The following RPAP1 variants were observed in gnomAD, a reference collection of about 807,000 sequenced individuals.
The protein encoded by RPAP1 is RNA polymerase II-associated protein 1.
In RPAP1, 109 loss-of-function variants were observed where a neutral mutation model predicts 142.4. That is an observed-to-expected ratio of 0.77 (90% CI 0.66 to 0.90). The LOEUF is 0.90. Among genes scored for constraint, RPAP1 ranks in the 40% least tolerant of loss-of-function variants. RPAP1 has a pLI of 0.00. For missense variants in RPAP1, 1,546 were observed against 1,751.7 expected (o/e 0.88, Z 2.10); for synonymous variants, 704 against 738.9 (o/e 0.95, Z 0.77).
At chr15:41,538,301 G>T (rs1034642353) in intron 1 of RPAP1, among the ~76,000 whole-genome samples, 3 of 152,148 alleles carry the variant, frequency 2.0e-5, no homozygotes, top group African/African-American at 7.2e-5. Flanking sequence ...ACCTAGGTTG[G>T]AGTGCAGTCT....
chr15:41,527,348 G>A (rs767085095), intron 12 of RPAP1, 47 bp from the exon 13 acceptor site: 2 of 1,613,164 alleles, frequency 1.2e-6, no homozygotes, highest in Non-Finnish European at 1.7e-6. Flanking sequence ...GCTGGACCCT[G>A]GGCATTGATG....
rs761685510 is a variant in RPAP1 at position 41,520,341 on chromosome 15, G to A, written c.3795+50C>T. The A allele has an allele frequency of 4.4e-5, 70 of 1,602,576 alleles. No individual in the cohort carries two copies. In the East Asian group the frequency reaches 7.4e-4, roughly 17 times the overall value. On this transcript the variant is annotated intron_variant, in intron 22 of 24. Transcript: ENST00000304330. Reference sequence around the variant, plus strand: ...CTCCTCAAGGCTCAGGACTGCCCCCGAGGCCCAGTGCAGGGTACCCTTGCA... The same window carrying A: ...CTCCTCAAGGCTCAGGACTGCCCCCAAGGCCCAGTGCAGGGTACCCTTGCA...
rs1162723717 is a variant in RPAP1 at position 41,521,788 on chromosome 15, G to A, written c.2988C>T (p.Tyr996=). Residue 996 remains tyrosine (Y), a synonymous_variant, in exon 21 of 25, where the codon TAC becomes TAT. Transcript: ENST00000304330. ...LLSRLLPGSE[Y]LTHELLLSCV... Reference sequence around the variant, plus strand: ...AGCTCAGCAGCAGCTCATGGGTGAGGTACTCACTTCCGGGCAGCAGCCGGC... The same window carrying A: ...AGCTCAGCAGCAGCTCATGGGTGAGATACTCACTTCCGGGCAGCAGCCGGC... 1.2e-6 allele frequency: 2 copies of A among 1,614,196 alleles called. No homozygotes were observed. The highest frequency in any genetic ancestry group is 2.2e-5 in the East Asian group (1 of 44,882).
chr15:41,535,126 A>C (rs533587440), intron 5 of RPAP1, among the ~76,000 whole-genome samples, 191 bp from the exon 6 acceptor site: 1 of 152,266 alleles, frequency 6.6e-6, no homozygotes, highest in East Asian at 1.9e-4. Flanking sequence ...CCTAGTACTT[A>C]TATGAAAAGG....
At position 41,528,207 on chromosome 15, in the gene RPAP1, G is replaced by A; in HGVS notation, c.1260+28C>T. On this transcript the variant is annotated intron_variant, in intron 10 of 24. Coordinates refer to ENST00000304330, the MANE Select transcript of RPAP1 (RefSeq NM_015540.4). ...AGGCTGTGGGGTGAAGGGAAGGGTG[G>A]GCAGGACCAGGCTGGCAATCCACTC... 3 of 1,570,416 alleles carry A rather than the reference G, an allele frequency of 1.9e-6. No homozygotes were observed. The East Asian group carries it at 6.8e-5, about 36-fold the overall frequency.
intron 7 of RPAP1, among the ~76,000 whole-genome samples, chr15:41,530,246 G>C (rs2051834473): frequency 6.6e-6 from 1 of 152,154 alleles, no homozygotes; most frequent in African/African-American, 2.4e-5. Context: ...GGAGGAGAAG[G>C]AGAAGGAAGA....
chr15:41,525,286 G>A, intron 14 of RPAP1, 138 bp from the exon 15 acceptor site: 2 of 426,486 alleles, frequency 4.7e-6, no homozygotes. Context: ...CATCCACCCT[G>A]CCCTTCCTTC....
intron 9 of RPAP1, 115 bp from the exon 10 acceptor site, chr15:41,528,451 C>G (rs1478537697): frequency 1.4e-6 from 1 of 723,914 alleles, no homozygotes; most frequent in African/African-American, 1.7e-5. Context: ...GCCCTGCTTT[C>G]CATGGAGCCT....
At chr15:41,524,759 CCA>C (rs1489393518) in intron 15 of RPAP1, among the ~76,000 whole-genome samples, 1 of 152,188 alleles carries the variant, frequency 6.6e-6, no homozygotes, top group Non-Finnish European at 1.5e-5. Flanking sequence ...CAGGCATGAG[CCA>C]CAGTGCCCGG....
rs1443210334 is a variant in RPAP1 at position 41,521,848 on chromosome 15, A to G, written c.2928T>C (p.Ala976=). The change falls in exon 21 of 25, where the codon GCT becomes GCC. Residue 976 remains alanine, a synonymous_variant. Coordinates refer to ENST00000304330, the MANE Select transcript of RPAP1 (RefSeq NM_015540.4). Reference sequence around the variant, plus strand: ...CCAAGGCCATACCATGATAGAGGGCAGCATGGGTGGCTGGCAGTGGCTGCA... The same window carrying G: ...CCAAGGCCATACCATGATAGAGGGCGGCATGGGTGGCTGGCAGTGGCTGCA... The part of the protein sequence containing the change: ...AALQPLPATH[A]ALYHGMALAL... The G allele has an allele frequency of 1.9e-6, 3 of 1,614,180 alleles. No individual in the cohort carries two copies. In the Admixed American group the frequency reaches 5.0e-5, roughly 27 times the overall value.
chr15:41,517,452 T>G lies in RPAP1; in HGVS notation c.*90A>C. On this transcript the variant is annotated 3_prime_UTR_variant, in exon 25 of 25. Transcript: ENST00000304330. ...CTGCTCCTTGGTCTCCTGCCTACCA[T>G]TAGGACACAATGTTCTTCGTCTGGC... The G allele has an allele frequency of 1.6e-6, 2 of 1,254,156 alleles. No homozygotes were observed. The highest frequency in any genetic ancestry group is 2.2e-6 in the Non-Finnish European group (2 of 908,404). The allele number at this position is 1,254,156 out of a possible 1,614,324, so 77.7% of individuals were successfully genotyped here. A position where few individuals can be genotyped will look rare whatever the true frequency, so the allele number is the denominator to read the frequency against.
Position 41,521,791 on chromosome 15 carries a change from C to T in RPAP1, c.2985G>A (p.Glu995=). 1 of 1,614,184 alleles carries T rather than the reference C, an allele frequency of 6.2e-7. No individual in the cohort carries two copies. The highest frequency in any genetic ancestry group is 8.5e-7 in the Non-Finnish European group (1 of 1,180,032). Residue 995 remains glutamate (E), a synonymous_variant, in exon 21 of 25, where the codon GAG becomes GAA. Coordinates refer to ENST00000304330, the MANE Select transcript of RPAP1 (RefSeq NM_015540.4). The stretch of plus-strand genomic sequence containing the variant: ...TCAGCAGCAGCTCATGGGTGAGGTA[C>T]TCACTTCCGGGCAGCAGCCGGCTCA... The part of the protein sequence containing the change: ...ALLSRLLPGS[E]YLTHELLLSC...
rs762799691 is a variant in RPAP1 at position 41,520,541 on chromosome 15, C to T, written c.3645G>A (p.Leu1215=). The T allele has an allele frequency of 1.9e-6, 3 of 1,614,178 alleles. No homozygotes were observed. The South Asian group carries it at 3.3e-5, about 18-fold the overall frequency. Residue 1215 remains leucine (L), a synonymous_variant, in exon 22 of 25, where the codon CTG becomes CTA. Coordinates refer to ENST00000304330, the MANE Select transcript of RPAP1 (RefSeq NM_015540.4). ...CAAAAGAGACAGCCTCAAAATGATCCAGGAAGTTGGCATAGAGGTCAGGGA... is the reference window on the plus strand; with the variant it reads ...CAAAAGAGACAGCCTCAAAATGATCTAGGAAGTTGGCATAGAGGTCAGGGA... The part of the protein sequence containing the change: ...TSFPDLYANF[L]DHFEAVSFGD...
At chr15:41,526,534 T>G (rs560412054) in intron 14 of RPAP1, among the ~76,000 whole-genome samples, 1 of 152,226 alleles carries the variant, frequency 6.6e-6, no homozygotes, top group Non-Finnish European at 1.5e-5. Context: ...ATTACAGGCC[T>G]GAGCCACTAC....
intron 3 of RPAP1, 73 bp from the exon 4 acceptor site, chr15:41,536,291 C>T: frequency 2.0e-6 from 3 of 1,466,554 alleles, no homozygotes; most frequent in Non-Finnish European, 2.9e-6. Context: ...TCCTATTAGC[C>T]CAGTTCTGAA....
Position 41,520,456 on chromosome 15 carries a change from A to G in RPAP1, c.3730T>C (p.Leu1244=), listed in dbSNP as rs1387749212. 1.2e-6 allele frequency: 2 copies of G among 1,614,106 alleles called. No individual in the cohort carries two copies. Among genetic ancestry groups the G allele is most frequent in the Non-Finnish European group, 8.5e-7 (1 of 1,179,962 alleles). Residue 1244 remains leucine, a synonymous_variant, in exon 22 of 25, where the codon TTG becomes CTG. Transcript: ENST00000304330. The part of the protein sequence containing the change: ...LPLQRRFSVT[L]RLALFGEHVG... ...TGTTCCCCAAAGAGGGCAAGGCGCA[A>G]GGTGACACTGAACCGACGCTGCAGG...
intron 17 of RPAP1, 105 bp downstream of exon 17, chr15:41,523,666 G>T: frequency 1.0e-6 from 1 of 959,954 alleles, no homozygotes; most frequent in South Asian, 1.4e-5. Flanking sequence ...GATAGTAAAT[G>T]GGGAAGTAGG....
intron 1 of RPAP1, among the ~76,000 whole-genome samples, chr15:41,537,415 A>G (rs1294620245): frequency 6.6e-6 from 1 of 152,178 alleles, no homozygotes; most frequent in African/African-American, 2.4e-5. Context: ...TCTATAGGTG[A>G]TAAAACTCTC....
rs1378074811 is a variant in RPAP1, at chr15:41,520,370, CCTG to C, written c.3795+18_3795+20del. On this transcript the variant is annotated intron_variant, in intron 22 of 24. Coordinates refer to ENST00000304330, the MANE Select transcript of RPAP1 (RefSeq NM_015540.4). ...CCCAGTGCAGGGTACCCTTGCAGGT[CCTG>C]CTGGGCTGAGAAAGTACCTGGGTCA... 1 of 1,612,656 alleles carries C rather than the reference CCTG, an allele frequency of 6.2e-7. No homozygotes were observed. The highest frequency in any genetic ancestry group is 1.3e-5 in the African/African-American group (1 of 74,898).
Sources: gnomAD v4.1 joint callset for allele counts (sites outside exome capture counted in the v4.1 genomes callset) on GRCh38, gnomAD v4.1.1 for gene constraint, MANE v1.5 for transcripts, NCBI Gene and HGNC (gene_info 2026-07-23, HGNC 2026-07-21) for gene names.